The following PTPRG variants were observed in gnomAD, a reference collection of about 807,000 sequenced individuals.
The protein encoded by PTPRG is receptor-type tyrosine-protein phosphatase gamma.
Under a neutral mutation model 165.3 loss-of-function variants are expected in PTPRG, and 102 were observed. The ratio of observed to expected loss-of-function variants is 0.62; its 90% CI spans 0.53 to 0.73. The LOEUF (loss-of-function observed/expected upper bound fraction) is 0.73, where lower values mean the gene tolerates loss of function less well. Among genes scored for constraint, PTPRG ranks in the 30% least tolerant of loss-of-function variants. The pLI, the probability that PTPRG is intolerant of heterozygous loss-of-function variation, is 0.00. For missense variants in PTPRG, 1,866 were observed against 1,861.4 expected (o/e 1.00, Z -0.05); for synonymous variants, 675 against 669.5 (o/e 1.01, Z -0.13).
intron 2 of PTPRG, among the ~76,000 whole-genome samples, chr3:61,940,421 T>A (rs1414676423): frequency 1.2e-4 from 18 of 152,208 alleles, no homozygotes; most frequent in Admixed American, 1.2e-3. Context: ...AATGCTGGAC[T>A]TCAGAACAAT....
intron 1 of PTPRG, among the ~76,000 whole-genome samples, chr3:61,565,241 G>A (rs1251444908): frequency 1.3e-5 from 2 of 152,162 alleles, no homozygotes; most frequent in Admixed American, 6.5e-5. Context: ...AGTGTGGCAG[G>A]TTTGGGATCC....
chr3:62,072,645 GTT>G (rs774924791), intron 4 of PTPRG, among the ~76,000 whole-genome samples: 4,126 of 149,066 alleles, frequency 0.028, 176 homozygotes, highest in African/African-American at 0.098. Context: ...GTGTGTGTGT[GTT>G]TTATGTATAT....
intron 9 of PTPRG, among the ~76,000 whole-genome samples, chr3:62,193,645 T>A (rs535311258): frequency 6.6e-6 from 1 of 152,336 alleles, no homozygotes; most frequent in Admixed American, 6.5e-5. Flanking sequence ...TTGCCCGCCT[T>A]TTCCAAACGA....
At chr3:61,582,215 G>T (rs112041696) in intron 1 of PTPRG, among the ~76,000 whole-genome samples, 1 of 152,032 alleles carries the variant, frequency 6.6e-6, no homozygotes, top group Non-Finnish European at 1.5e-5. Flanking sequence ...TGATCCACTC[G>T]CCTTGGCCTC....
chr3:62,195,781 G>A lies in PTPRG; in HGVS notation c.1327+611G>A, dbSNP rs73098564. Reference sequence around the variant, plus strand: ...AGTGACCAAGAGACATAACATTTTAGTGGGATTTTTTTTGTTTGTTTGTTT... The same window carrying A: ...AGTGACCAAGAGACATAACATTTTAATGGGATTTTTTTTGTTTGTTTGTTT... On this transcript the variant is annotated intron_variant, in intron 10 of 29. Coordinates refer to ENST00000474889, the MANE Select transcript of PTPRG (RefSeq NM_002841.4). This position sits in a 1 kb window ranked among gnomAD's most constrained non-coding sequence, Gnocchi z 4.4. 0.1 allele frequency among the ~76,000 whole-genome samples: 15,839 copies of A among 152,056 alleles called. 1,042 individuals are homozygous for A. Among genetic ancestry groups the A allele is most frequent in the East Asian group, 0.34 (1,762 of 5,122 alleles).
intron 4 of PTPRG, among the ~76,000 whole-genome samples, chr3:62,069,767 A>G (rs2661881): frequency 0.17 from 25,076 of 149,718 alleles, 3,072 homozygotes; most frequent in African/African-American, 0.32. Context: ...TAGCTAAGTT[A>G]CTCTAGCTAA....
intron 2 of PTPRG, among the ~76,000 whole-genome samples, chr3:61,895,066 C>T (rs1173629664): frequency 1.3e-5 from 2 of 152,160 alleles, no homozygotes; most frequent in African/African-American, 4.8e-5. Context: ...TAAACATCCC[C>T]TAGGGGCAGA....
intron 5 of PTPRG, among the ~76,000 whole-genome samples, chr3:62,115,114 A>T (rs1346929231): frequency 6.6e-6 from 1 of 152,184 alleles, no homozygotes; most frequent in Admixed American, 6.5e-5. Flanking sequence ...AGATTTTCAG[A>T]GCATCGTCAC....
rs1051910512 is a variant in PTPRG at position 62,219,281 on chromosome 3, C to T, written c.2288+298C>T. Among the ~76,000 whole-genome samples, 6 of 152,136 alleles carry T rather than the reference C, an allele frequency of 3.9e-5. No homozygotes were observed. The highest frequency in any genetic ancestry group is 2.1e-4 in the South Asian group (1 of 4,822). The stretch of plus-strand genomic sequence containing the variant: ...TCTGCTACTTGCTAGATCCAAATCC[C>T]GTGTCCACTTTGATTGTTAGTTTCA... On this transcript the variant is annotated intron_variant, in intron 13 of 29. Transcript: ENST00000474889. This position sits in a 1 kb window ranked among gnomAD's most constrained non-coding sequence, Gnocchi z 4.5.
intron 2 of PTPRG, among the ~76,000 whole-genome samples, chr3:61,834,101 G>A (rs1282720050): frequency 6.6e-6 from 1 of 152,156 alleles, no homozygotes; most frequent in African/African-American, 2.4e-5. Flanking sequence ...ACTCTTTTAG[G>A]TTATTTGTCA....
intron 1 of PTPRG, among the ~76,000 whole-genome samples, chr3:61,734,852 T>C (rs1465326172): frequency 1.3e-5 from 2 of 152,328 alleles, no homozygotes; most frequent in South Asian, 4.1e-4. Flanking sequence ...TGTATATAAA[T>C]AGATATTGAG....
chr3:61,722,236 C>T (rs2032080958), intron 1 of PTPRG, among the ~76,000 whole-genome samples: 2 of 151,870 alleles, frequency 1.3e-5, no homozygotes, highest in South Asian at 2.1e-4. Context: ...CACACACACA[C>T]ACACACACAT....
intron 2 of PTPRG, among the ~76,000 whole-genome samples, chr3:61,864,263 C>G (rs2037347197): frequency 6.6e-6 from 1 of 152,072 alleles, no homozygotes; most frequent in Admixed American, 6.5e-5. Context: ...TATCATTTTA[C>G]CCTTATTTAC....
chr3:62,148,655 C>T (rs1275713651), intron 6 of PTPRG, among the ~76,000 whole-genome samples: 3 of 151,978 alleles, frequency 2.0e-5, no homozygotes, highest in Non-Finnish European at 4.4e-5. Context: ...CCCAGCTACT[C>T]GGGAGGCTGA....
intron 2 of PTPRG, among the ~76,000 whole-genome samples, chr3:61,864,658 T>C (rs2037356971): frequency 6.6e-6 from 1 of 152,120 alleles, no homozygotes; most frequent in Admixed American, 6.5e-5. Flanking sequence ...CTGGCTGCTG[T>C]TGCTGTCTTT....
intron 2 of PTPRG, among the ~76,000 whole-genome samples, chr3:61,912,342 A>G (rs1237725988): frequency 6.6e-6 from 1 of 151,874 alleles, no homozygotes; most frequent in Non-Finnish European, 1.5e-5. Flanking sequence ...AGGTAGGAGG[A>G]ATTTGCATAA....
chr3:61,834,924 T>C (rs913035021), intron 2 of PTPRG, among the ~76,000 whole-genome samples: 1 of 152,194 alleles, frequency 6.6e-6, no homozygotes, highest in Non-Finnish European at 1.5e-5. Context: ...AATTAGACAA[T>C]TGAATTATAT....
At chr3:61,863,899 T>C (rs1368928070) in intron 2 of PTPRG, among the ~76,000 whole-genome samples, 2 of 152,214 alleles carry the variant, frequency 1.3e-5, no homozygotes, top group African/African-American at 4.8e-5. Context: ...TGTTGTTCTA[T>C]GTATTTAGCA....
intron 2 of PTPRG, among the ~76,000 whole-genome samples, chr3:61,818,299 A>G (rs543629879): frequency 1.3e-5 from 2 of 152,334 alleles, no homozygotes; most frequent in South Asian, 4.1e-4. Flanking sequence ...ATGGTATGAA[A>G]GAACGTTATA....
Sources: gnomAD v4.1 joint callset for allele counts (sites outside exome capture counted in the v4.1 genomes callset) on GRCh38, gnomAD v4.1.1 for gene constraint, Gnocchi (gnomAD v3.1) non-coding constraint, MANE v1.5 for transcripts, NCBI Gene and HGNC (gene_info 2026-07-23, HGNC 2026-07-21) for gene names.